Variants in TRAPPC9 observed in about 807,000 individuals in gnomAD.
TRAPPC9 encodes trafficking protein particle complex subunit 9.
A neutral mutation model predicts 124.0 loss-of-function variants in TRAPPC9; 83 were observed. The ratio of observed to expected loss-of-function variants is 0.67; its 90% CI spans 0.56 to 0.80. The LOEUF is 0.80. Among genes scored for constraint, TRAPPC9 ranks in the 30% least tolerant of loss-of-function variants. The probability of loss-of-function intolerance (pLI) is 0.00; values close to 1 mark genes in which losing one functional copy is unlikely to be tolerated. For missense variants in TRAPPC9, 1,302 were observed against 1,508.3 expected (o/e 0.86, Z 2.27); for synonymous variants, 638 against 617.5 (o/e 1.03, Z -0.49).
Position 140,216,842 on chromosome 8 carries a change from C to T in TRAPPC9, c.2556+4617G>A, listed in dbSNP as rs990169626. Reference sequence around the variant, plus strand: ...GACTTCCTCCGTGCAGCCATAGCAACGAGGATCACCTGTATTCTAACCACT... The same window carrying T: ...GACTTCCTCCGTGCAGCCATAGCAATGAGGATCACCTGTATTCTAACCACT... On this transcript the variant is annotated intron_variant, in intron 17 of 22. Transcript: ENST00000438773. The surrounding 1 kb of genome is among the most constrained non-coding windows in gnomAD (Gnocchi z 4.1). Among the ~76,000 whole-genome samples, 11 of 152,196 alleles carry T rather than the reference C, an allele frequency of 7.2e-5. No individual in the cohort carries two copies. In the East Asian group the frequency reaches 9.6e-4, roughly 13 times the overall value.
intron 10 of TRAPPC9, among the ~76,000 whole-genome samples, chr8:140,304,575 G>C (rs753220759): frequency 6.6e-6 from 1 of 152,144 alleles, no homozygotes; most frequent in African/African-American, 2.4e-5. Context: ...TTTAGGAAGA[G>C]GGGGACAACC....
Position 140,457,656 on chromosome 8 carries a change from G to T in TRAPPC9, c.-28C>A, listed in dbSNP as rs1298480821. On this transcript the variant is annotated 5_prime_UTR_variant, in exon 1 of 23. Transcript: ENST00000438773. ...GCACTTACACAGCCGGTGGCCCCGG[G>T]CCCGGAGCGGGAGCCCACGACCTGG... The T allele has an allele frequency of 1.0e-6, 1 of 986,442 alleles. No homozygotes were observed. The allele number at this position is 986,442 out of a possible 1,614,324, so 61.1% of individuals were successfully genotyped here. A position where few individuals can be genotyped will look rare whatever the true frequency, so the allele number is the denominator to read the frequency against.
intron 19 of TRAPPC9, among the ~76,000 whole-genome samples, chr8:139,982,525 C>T (rs751769928): frequency 2.6e-5 from 4 of 152,178 alleles, no homozygotes; most frequent in Admixed American, 6.5e-5. Context: ...AACAGGGTTC[C>T]GAATGTCATG....
At chr8:140,253,514 C>CA (rs886185218) in intron 15 of TRAPPC9, among the ~76,000 whole-genome samples, 1 of 151,818 alleles carries the variant, frequency 6.6e-6, no homozygotes, top group African/African-American at 2.4e-5. Context: ...CCCATCTCTA[C>CA]AAAAAAATAC....
chr8:139,858,923 G>A (rs757475679), intron 21 of TRAPPC9, among the ~76,000 whole-genome samples: 4 of 148,060 alleles, frequency 2.7e-5, no homozygotes, highest in Non-Finnish European at 3.0e-5. Flanking sequence ...CTCCTCCTAC[G>A]GTCTCCATCT....
intron 9 of TRAPPC9, among the ~76,000 whole-genome samples, chr8:140,350,961 G>A (rs2067549958): frequency 6.6e-6 from 1 of 151,948 alleles, no homozygotes; most frequent in South Asian, 2.1e-4. Context: ...GTGGAGCAAG[G>A]GAGAGGGGCA....
chr8:139,756,979 T>G (rs1165670142), intron 21 of TRAPPC9, among the ~76,000 whole-genome samples: 26 of 106,278 alleles, frequency 2.4e-4, no homozygotes, highest in African/African-American at 6.1e-4. Context: ...AGCCAGGGTT[T>G]GGGGATGAGG....
intron 19 of TRAPPC9, among the ~76,000 whole-genome samples, chr8:139,910,620 T>G (rs1050646475): frequency 2.6e-5 from 4 of 152,316 alleles, no homozygotes; most frequent in Middle Eastern, 3.4e-3. Context: ...GATAGTGAGC[T>G]GGATGGCGAC....
intron 17 of TRAPPC9, among the ~76,000 whole-genome samples, chr8:140,112,740 T>A (rs1258612958): frequency 6.6e-6 from 1 of 152,188 alleles, no homozygotes; most frequent in Non-Finnish European, 1.5e-5. Flanking sequence ...CCCCTTTTAA[T>A]AGGTGGCCTT....
At chr8:140,165,326 G>A (rs567312933) in intron 17 of TRAPPC9, among the ~76,000 whole-genome samples, 41 of 151,772 alleles carry the variant, frequency 2.7e-4, no homozygotes, top group Middle Eastern at 3.4e-3. Context: ...GGATGACAGA[G>A]TGAGATTCCG....
rs2064164170 is a variant in TRAPPC9, at chr8:140,252,964, G to A, written c.2279-35C>T. 6.2e-7 allele frequency: 1 copy of A among 1,609,338 alleles called. No individual in the cohort carries two copies. On this transcript the variant is annotated intron_variant, in intron 15 of 22. Coordinates refer to ENST00000438773, the MANE Select transcript of TRAPPC9 (RefSeq NM_001160372.4). This position sits in a 1 kb window ranked among gnomAD's most constrained non-coding sequence, Gnocchi z 4.2. ...TAACAATGACAGTGATGAGGATGCTGTAACTGAGGCAGTATGGGACTTACC... is the reference window on the plus strand; with the variant it reads ...TAACAATGACAGTGATGAGGATGCTATAACTGAGGCAGTATGGGACTTACC...
At chr8:139,761,611 C>T (rs1310421305) in intron 21 of TRAPPC9, among the ~76,000 whole-genome samples, 4 of 152,030 alleles carry the variant, frequency 2.6e-5, no homozygotes, top group Non-Finnish European at 4.4e-5. Flanking sequence ...AGCACAGCTC[C>T]GCCAGGTGTC....
At chr8:140,350,627 G>T (rs562347480) in intron 9 of TRAPPC9, among the ~76,000 whole-genome samples, 11 of 152,098 alleles carry the variant, frequency 7.2e-5, no homozygotes, top group African/African-American at 2.4e-5. Context: ...CGGGGGTCAC[G>T]GTGGTCTCCT....
At chr8:140,123,371 C>G (rs2061023131) in intron 17 of TRAPPC9, among the ~76,000 whole-genome samples, 1 of 152,238 alleles carries the variant, frequency 6.6e-6, no homozygotes, top group Non-Finnish European at 1.5e-5. Flanking sequence ...AAAAACCCTT[C>G]CCTGGCACCT....
chr8:140,045,185 T>TA (rs1408275318), intron 17 of TRAPPC9, among the ~76,000 whole-genome samples: 1 of 152,102 alleles, frequency 6.6e-6, no homozygotes, highest in Non-Finnish European at 1.5e-5. Flanking sequence ...ACCAGTCCAG[T>TA]ATTGCTATTC....
In TRAPPC9 at chr8:139,731,071, G is replaced by A. The variant is rs754061906; in HGVS notation, c.3437C>T (p.Ala1146Val). ...CGGAAGTAGGCGGGCTCAGGCCTGC[G>A]CCTCCAGGGCACACACGTGCACACT... is the stretch of plus-strand genomic sequence containing the variant. The part of the protein sequence containing the change: ...LPSVHVCALE[A>V]QA The change falls in exon 23 of 23, where the codon GCG (alanine) becomes GTG (valine). Residue 1146 changes from alanine (A) to valine (V), a missense_variant. By Grantham distance (64) the Ala-to-Val change is moderately conservative. This residue lies in a region of TRAPPC9 where 640 missense variants were observed against 679.3 expected (regional missense o/e 0.94). Coordinates refer to ENST00000438773, the MANE Select transcript of TRAPPC9 (RefSeq NM_001160372.4). The A allele has an allele frequency of 2.0e-5, 32 of 1,612,654 alleles. No individual in the cohort carries two copies. The highest frequency in any genetic ancestry group is 3.7e-4 in the Middle Eastern group (2 of 5,410).
chr8:139,885,854 C>T lies in TRAPPC9; in HGVS notation c.3055+25G>A, dbSNP rs772891235. The T allele has an allele frequency of 2.6e-5, 41 of 1,547,484 alleles. No homozygotes were observed. In the East Asian group the frequency reaches 5.1e-4, roughly 19 times the overall value. On this transcript the variant is annotated intron_variant, in intron 21 of 22. Transcript: ENST00000438773. ...GAAAAGGAGCACATCCACCCAGAAT[C>T]GATGGGTGGCTGGCGGGTACTCACC...
intron 17 of TRAPPC9, among the ~76,000 whole-genome samples, chr8:140,024,315 T>G (rs1183385208): frequency 6.6e-6 from 1 of 151,368 alleles, no homozygotes; most frequent in Non-Finnish European, 1.5e-5. Context: ...ATCTTTCCTG[T>G]GATGTCCCAG....
At chr8:139,946,951 C>A (rs758213715) in intron 19 of TRAPPC9, among the ~76,000 whole-genome samples, 2 of 152,052 alleles carry the variant, frequency 1.3e-5, no homozygotes, top group African/African-American at 4.8e-5. Context: ...TGCACCACTG[C>A]ACTCCAGCCT....
Sources: allele counts gnomAD v4.1 joint callset (sites outside exome capture counted in the v4.1 genomes callset), GRCh38; gene constraint gnomAD v4.1.1; regional missense constraint gnomAD v4.1.1; non-coding constraint Gnocchi (gnomAD v3.1); transcripts MANE v1.5; gene names NCBI Gene and HGNC (gene_info 2026-07-23, HGNC 2026-07-21).